Variants in SMAP2 observed in about 807,000 individuals in gnomAD.
The protein encoded by SMAP2 is small ArfGAP2.
A neutral mutation model predicts 56.4 loss-of-function variants in SMAP2; 25 were observed. The ratio of observed to expected loss-of-function variants is 0.44; its 90% confidence interval spans 0.32 to 0.62. The LOEUF is 0.62. Among genes scored for constraint, SMAP2 ranks in the 20% least tolerant of loss-of-function variants. The pLI, the probability that SMAP2 is intolerant of heterozygous loss-of-function variation, is 0.04. For missense variants in SMAP2, 388 were observed against 545.6 expected, an observed-to-expected ratio of 0.71 and a Z score of 2.88; for synonymous variants, 157 against 181.7, an observed-to-expected ratio of 0.86 and a Z score of 1.09.
chr1:40,418,993 A>G (rs1557472196), intron 9 of SMAP2, among the ~76,000 whole-genome samples: 1 of 152,230 alleles, frequency 6.6e-6, no homozygotes, highest in Non-Finnish European at 1.5e-5. Flanking sequence ...TGTTTAATTG[A>G]GAATCTAAGA....
chr1:40,346,021 C>T (rs1198213670), intron 1 of SMAP2, among the ~76,000 whole-genome samples: 2 of 118,310 alleles, frequency 1.7e-5, no homozygotes, highest in Non-Finnish European at 3.3e-5. Context: ...TGTGTTGAGA[C>T]CCAGGCTGGT....
chr1:40,385,306 CTT>C lies in SMAP2; in HGVS notation c.103+11086_103+11087del, dbSNP rs1327552772. Reference sequence around the variant, plus strand: ...GACAAATTTTGTTGACCATAGCCCTCTTTTCCCCTCAGTTCATAGATTTCCTA... The same window carrying C: ...GACAAATTTTGTTGACCATAGCCCTCTTCCCCTCAGTTCATAGATTTCCTA... On this transcript the variant is annotated intron_variant, in intron 1 of 9. Transcript: ENST00000372718. This position sits in a 1 kb window ranked among gnomAD's most constrained non-coding sequence, Gnocchi z 4.5. 5.9e-5 allele frequency among the ~76,000 whole-genome samples: 9 copies of C among 152,172 alleles called. No individual in the cohort carries two copies. Among genetic ancestry groups the C allele is most frequent in the Admixed American group, 5.9e-4 (9 of 15,274 alleles).
At chr1:40,404,130 A>G (rs1644862795) in intron 1 of SMAP2, among the ~76,000 whole-genome samples, 1 of 152,156 alleles carries the variant, frequency 6.6e-6, no homozygotes, top group South Asian at 2.1e-4. Flanking sequence ...AAGTAACTAC[A>G]CCATTTCCCC....
chr1:40,373,386 G>A (rs1247877045), upstream of SMAP2, among the ~76,000 whole-genome samples: 2 of 152,230 alleles, frequency 1.3e-5, no homozygotes, highest in African/African-American at 4.8e-5. Context: ...TCATAGGGTC[G>A]TTGTGAGGAT....
chr1:40,350,405 T>C (rs1233137677), intron 1 of SMAP2, among the ~76,000 whole-genome samples: 1 of 152,164 alleles, frequency 6.6e-6, no homozygotes, highest in Admixed American at 6.5e-5. Flanking sequence ...AGGTCCCTAT[T>C]GCGTGACACC....
At chr1:40,390,963 C>T (rs1644709931) in intron 1 of SMAP2, among the ~76,000 whole-genome samples, 1 of 151,978 alleles carries the variant, frequency 6.6e-6, no homozygotes, top group Admixed American at 6.6e-5. Context: ...AAAATGGTTC[C>T]TCTAGAGCAG....
intron 1 of SMAP2, among the ~76,000 whole-genome samples, chr1:40,362,006 T>C (rs1644462466): frequency 6.6e-6 from 1 of 151,914 alleles, no homozygotes. Flanking sequence ...TGAAAGAAAA[T>C]CAACCAAGGG....
Position 40,385,395 on chromosome 1 carries a change from A to G in SMAP2, c.103+11172A>G, listed in dbSNP as rs953597674. Among the ~76,000 whole-genome samples the G allele has an allele frequency of 1.3e-5, 2 of 152,178 alleles. No homozygotes were observed. Among genetic ancestry groups the G allele is most frequent in the Admixed American group, 1.3e-4 (2 of 15,276 alleles). On this transcript the variant is annotated intron_variant, in intron 1 of 9. Coordinates refer to ENST00000372718, the MANE Select transcript of SMAP2 (RefSeq NM_022733.3). This position sits in a 1 kb window ranked among gnomAD's most constrained non-coding sequence, Gnocchi z 4.5. Reference sequence around the variant, plus strand: ...ACAGTTTATTTAAGTTCTGGATTTCATAAGCTTACTTGGAAAATACTTTTT... The same window carrying G: ...ACAGTTTATTTAAGTTCTGGATTTCGTAAGCTTACTTGGAAAATACTTTTT...
At chr1:40,371,375 T>A (rs1389538548), upstream of SMAP2, among the ~76,000 whole-genome samples, 1 of 152,290 alleles carries the variant, frequency 6.6e-6, no homozygotes, top group South Asian at 2.1e-4. Context: ...CTGCTATTAG[T>A]AATGATAATA....
upstream of SMAP2, among the ~76,000 whole-genome samples, chr1:40,371,894 G>T (rs1463953899): frequency 6.6e-6 from 1 of 152,174 alleles, no homozygotes; most frequent in Admixed American, 6.5e-5. Flanking sequence ...TTCTATAGAT[G>T]AAATAACTGA....
intron 7 of SMAP2, 51 bp from the exon 8 acceptor site, chr1:40,416,125 A>G: frequency 6.4e-7 from 1 of 1,560,486 alleles, no homozygotes; most frequent in Non-Finnish European, 8.7e-7. Context: ...ACCCTTAAAG[A>G]GACCCCCATG....
In SMAP2 at chr1:40,406,937, A is replaced by G. The variant is rs151052456; in HGVS notation, c.237+68A>G. Reference sequence around the variant, plus strand: ...GTAAAAGGAATTCCAGATGAATTTCAGTCAAACCTGGCACAAAGGTGAAGA... The same window carrying G: ...GTAAAAGGAATTCCAGATGAATTTCGGTCAAACCTGGCACAAAGGTGAAGA... On this transcript the variant is annotated intron_variant, in intron 2 of 9. Coordinates refer to ENST00000372718, the MANE Select transcript of SMAP2 (RefSeq NM_022733.3). 2.8e-4 allele frequency: 419 copies of G among 1,497,798 alleles called. 4 individuals carry two copies. The East Asian group carries it at 9.5e-3, about 34-fold the overall frequency. The allele number at this position is 1,497,798 out of a possible 1,614,324, so 92.8% of individuals were successfully genotyped here. A position where few individuals can be genotyped will look rare whatever the true frequency, so the allele number is the denominator to read the frequency against.
Position 40,422,090 on chromosome 1 carries a change from A to G in SMAP2, c.1279A>G (p.Met427Val). 1 of 1,614,056 alleles carries G rather than the reference A, an allele frequency of 6.2e-7. No homozygotes were observed. The highest frequency in any genetic ancestry group is 8.5e-7 in the Non-Finnish European group (1 of 1,180,006). ...QAANQTLSPQ[M>V]WK ...AGCAAATCAGACTCTCAGTCCTCAG[A>G]TGTGGAAATAAAAACAAAACACCTG... Residue 427 changes from methionine (M) to valine (V), a missense_variant, in exon 10 of 10, where the codon ATG becomes GTG. Met to Val is a conservative substitution (Grantham distance 21). Transcript: ENST00000372718.
intron 1 of SMAP2, among the ~76,000 whole-genome samples, chr1:40,347,977 C>A (rs983238386): frequency 4.0e-5 from 6 of 151,708 alleles, no homozygotes; most frequent in African/African-American, 1.5e-4. Context: ...GGTGTGTTTT[C>A]AATTTCTCAC....
At position 40,416,197 on chromosome 1, in the gene SMAP2, G is replaced by A; in HGVS notation, c.703G>A (p.Ala235Thr). ...TAAGGTTGTAGGTTCCATGCCAACT[G>A]CAGGGAGTGCCGGCTCTGTTCCTGA... ...SRKVVGSMPT[A>T]GSAGSVPENL... is the part of the protein sequence containing the mutation. Residue 235 changes from alanine to threonine, a missense_variant, in exon 8 of 10, where the codon GCA becomes ACA. By Grantham distance (58) the Ala-to-Thr change is moderately conservative. Transcript: ENST00000372718. 7 of 1,613,890 alleles carry A rather than the reference G, an allele frequency of 4.3e-6. No individual in the cohort carries two copies. Among genetic ancestry groups the A allele is most frequent in the Non-Finnish European group, 5.1e-6 (6 of 1,179,944 alleles).
At chr1:40,349,683 T>A (rs1644402522) in intron 1 of SMAP2, among the ~76,000 whole-genome samples, 3 of 152,102 alleles carry the variant, frequency 2.0e-5, no homozygotes, top group Admixed American at 2.0e-4. Context: ...CACATCCAGC[T>A]AATTTTTTTG....
chr1:40,401,398 C>T (rs1326037553), intron 1 of SMAP2, among the ~76,000 whole-genome samples: 5 of 152,206 alleles, frequency 3.3e-5, no homozygotes, highest in African/African-American at 7.2e-5. Context: ...AAAGTTCTCT[C>T]CCTTCGCGTA....
At chr1:40,399,911 G>C (rs1215895338) in intron 1 of SMAP2, among the ~76,000 whole-genome samples, 1 of 152,238 alleles carries the variant, frequency 6.6e-6, no homozygotes, top group Non-Finnish European at 1.5e-5. Flanking sequence ...AACAAAATTG[G>C]CTAGGAGTTG....
chr1:40,355,926 T>C (rs1322632844), intron 1 of SMAP2, among the ~76,000 whole-genome samples: 1 of 152,106 alleles, frequency 6.6e-6, no homozygotes, highest in East Asian at 1.9e-4. Context: ...TAGATCTTAT[T>C]CATTCTATCT....
Sources: gnomAD v4.1 joint callset for allele counts (sites outside exome capture counted in the v4.1 genomes callset) on GRCh38, gnomAD v4.1.1 for gene constraint, Gnocchi (gnomAD v3.1) non-coding constraint, MANE v1.5 for transcripts, NCBI Gene and HGNC (gene_info 2026-07-23, HGNC 2026-07-21) for gene names.